LURAP1L: variants seen among roughly 807,000 people sequenced by gnomAD.
LURAP1L encodes the protein leucine rich adaptor protein 1-like.
In LURAP1L, 12 loss-of-function variants were observed where a neutral mutation model predicts 13.8. That is an observed-to-expected ratio of 0.87 (90% confidence interval 0.56 to 1.41). LURAP1L has a LOEUF of 1.41. Among genes scored for constraint, LURAP1L ranks in the 40% most tolerant of loss-of-function variants. The pLI is 0.00. For synonymous variants in LURAP1L, 139 were observed against 119.2 expected, an observed-to-expected ratio of 1.17 and a Z score of -1.08; for missense variants, 375 against 292.9, an observed-to-expected ratio of 1.28 and a Z score of -2.04.
chr9:12,802,018 G>A (rs1224282834), intron 1 of LURAP1L, among the ~76,000 whole-genome samples: 1 of 152,150 alleles, frequency 6.6e-6, no homozygotes, highest in Non-Finnish European at 1.5e-5. Flanking sequence ...AGAATGAAAT[G>A]GTTGTTTGAG....
At chr9:12,800,816 C>G (rs1329762279) in intron 1 of LURAP1L, among the ~76,000 whole-genome samples, 1 of 152,228 alleles carries the variant, frequency 6.6e-6, no homozygotes, top group South Asian at 2.1e-4. Flanking sequence ...CTGAACAAAA[C>G]TCTTTTAAAT....
chr9:12,806,757 G>A (rs557423845), intron 1 of LURAP1L, among the ~76,000 whole-genome samples: 11 of 151,840 alleles, frequency 7.2e-5, no homozygotes, highest in Admixed American at 5.3e-4. Flanking sequence ...AAAATAAGGT[G>A]TTGAGATTTC....
At chr9:12,787,515 C>G (rs1819374222) in intron 1 of LURAP1L, among the ~76,000 whole-genome samples, 1 of 152,026 alleles carries the variant, frequency 6.6e-6, no homozygotes. Context: ...GCAAGAGCAT[C>G]ATAGGACCAT....
chr9:12,818,054 C>T (rs183257853), intron 1 of LURAP1L, among the ~76,000 whole-genome samples: 20 of 150,918 alleles, frequency 1.3e-4, no homozygotes, highest in African/African-American at 3.9e-4. Context: ...ACCAGATCAA[C>T]ACGTTCTAAC....
chr9:12,817,998 C>T (rs896838133), intron 1 of LURAP1L, among the ~76,000 whole-genome samples: 4 of 151,970 alleles, frequency 2.6e-5, no homozygotes, highest in Non-Finnish European at 5.9e-5. Context: ...TACTCTCTCC[C>T]GGGAGGACAC....
At chr9:12,783,466 G>T (rs923003339) in intron 1 of LURAP1L, among the ~76,000 whole-genome samples, 1 of 152,058 alleles carries the variant, frequency 6.6e-6, no homozygotes, top group Non-Finnish European at 1.5e-5. Flanking sequence ...ATTATCATAT[G>T]GTTTATTCCT....
intron 1 of LURAP1L, chr9:12,777,248 G>A: frequency 2.0e-6 from 2 of 985,276 alleles, no homozygotes; most frequent in Non-Finnish European, 2.4e-6. Flanking sequence ...TGGAGAAGCT[G>A]GAAAGTGGAA....
intron 1 of LURAP1L, among the ~76,000 whole-genome samples, chr9:12,800,533 CA>C (rs5896538): frequency 7.1e-5 from 10 of 140,318 alleles, no homozygotes; most frequent in South Asian, 2.2e-4. Flanking sequence ...AACAACAAAA[CA>C]AAAAAAAAAC....
At chr9:12,782,034 C>A (rs1412908967) in intron 1 of LURAP1L, among the ~76,000 whole-genome samples, 1 of 152,162 alleles carries the variant, frequency 6.6e-6, no homozygotes, top group East Asian at 1.9e-4. Context: ...TTTGAATATA[C>A]CTGATTGTCA....
intron 1 of LURAP1L, among the ~76,000 whole-genome samples, chr9:12,808,891 T>C (rs183645058): frequency 1.4e-4 from 22 of 152,278 alleles, no homozygotes; most frequent in African/African-American, 5.1e-4. Flanking sequence ...TATAAAGGAA[T>C]ACCTGAGACT....
At chr9:12,820,229 G>GAGC (rs1218268925) in intron 1 of LURAP1L, among the ~76,000 whole-genome samples, 2 of 151,896 alleles carry the variant, frequency 1.3e-5, no homozygotes, top group East Asian at 3.9e-4. Context: ...CACCTGCCGG[G>GAGC]AGCAGTGGCT....
Position 12,808,500 on chromosome 9 carries a change from T to C in LURAP1L, c.313-12886T>C, listed in dbSNP as rs148849717. On this transcript the variant is annotated intron_variant, in intron 1 of 1. Transcript: ENST00000319264. ...ACTTTTGAAGGATAATTCTGTTGGA[T>C]ACAGAATTTTAGGTTAGTAGTCTTT... Among the ~76,000 whole-genome samples the C allele has an allele frequency of 1.9e-3, 282 of 152,226 alleles. 7 individuals carry two copies. The East Asian group carries it at 0.047, about 26-fold the overall frequency.
chr9:12,779,467 G>C (rs1367091937), intron 1 of LURAP1L, among the ~76,000 whole-genome samples: 1 of 151,716 alleles, frequency 6.6e-6, no homozygotes, highest in Non-Finnish European at 1.5e-5. Flanking sequence ...GTAGAGACAG[G>C]GTTTCACCGT....
intron 1 of LURAP1L, 21 bp downstream of exon 1, chr9:12,776,048 G>A (rs767749277): frequency 1.9e-6 from 3 of 1,610,812 alleles, no homozygotes; most frequent in African/African-American, 2.7e-5. Flanking sequence ...TGCGCCAGCC[G>A]CGGGGGCTGG....
chr9:12,789,659 G>T (rs1168182076), intron 1 of LURAP1L, among the ~76,000 whole-genome samples: 1 of 152,150 alleles, frequency 6.6e-6, no homozygotes, highest in African/African-American at 2.4e-5. Flanking sequence ...ATCATAGGAA[G>T]GCAAGGGAGT....
rs149705446 is a variant in LURAP1L, at chr9:12,789,461, C to G, written c.312+13434C>G. Among the ~76,000 whole-genome samples the G allele has an allele frequency of 1.8e-3, 273 of 152,210 alleles. 15 individuals carry two copies. The East Asian group carries it at 0.05, about 28-fold the overall frequency. ...CAAATAACTTGTTTTCCTGAACATG[C>G]TACATCGGAGTCCCTAAATTTGGTA... On this transcript the variant is annotated intron_variant, in intron 1 of 1. Transcript: ENST00000319264.
In LURAP1L at chr9:12,775,439, G is replaced by T; in HGVS notation, c.-277G>T. ...ATATCAGTGAACTCAACTTTGCAGTGAGGTGGCCAAAAAGAGAGAGAATGA... is the reference window on the plus strand; with the variant it reads ...ATATCAGTGAACTCAACTTTGCAGTTAGGTGGCCAAAAAGAGAGAGAATGA... On this transcript the variant is annotated 5_prime_UTR_variant, in exon 1 of 2. Transcript: ENST00000319264. 2.5e-6 allele frequency: 1 copy of T among 405,322 alleles called. No homozygotes were observed. Among genetic ancestry groups the T allele is most frequent in the Non-Finnish European group, 4.3e-6 (1 of 232,448 alleles). The allele number at this position is 405,322 out of a possible 1,614,324, so 25.1% of individuals were successfully genotyped here.
chr9:12,821,192 C>T (rs112455599), intron 1 of LURAP1L, among the ~76,000 whole-genome samples, 194 bp from the exon 2 acceptor site: 10 of 152,056 alleles, frequency 6.6e-5, no homozygotes, highest in African/African-American at 2.4e-4. Context: ...ATGCATCTGG[C>T]AGGAAGTGAG....
At chr9:12,785,312 C>G (rs1819334270) in intron 1 of LURAP1L, among the ~76,000 whole-genome samples, 1 of 152,074 alleles carries the variant, frequency 6.6e-6, no homozygotes. Flanking sequence ...GCGAGCTGCA[C>G]TGTCTGGGGC....
Sources: gnomAD v4.1 joint callset for allele counts (sites outside exome capture counted in the v4.1 genomes callset) on GRCh38, gnomAD v4.1.1 for gene constraint, MANE v1.5 for transcripts, NCBI Gene and HGNC (gene_info 2026-07-23, HGNC 2026-07-21) for gene names.